The following GPD1L variants were observed in gnomAD, a reference collection of about 807,000 sequenced individuals.
GPD1L encodes glycerol-3-phosphate dehydrogenase 1-like protein.
GPD1L carries 17 observed loss-of-function variants against 32.9 expected under a neutral mutation model. The observed-to-expected ratio is 0.52, with a 90% CI of 0.35 to 0.78. GPD1L has a LOEUF of 0.78. Ranked by LOEUF, GPD1L falls within the 30% of genes least tolerant of loss-of-function variation. The probability of loss-of-function intolerance (pLI) is 0.01; values close to 1 mark genes in which losing one functional copy is unlikely to be tolerated. For synonymous variants in GPD1L, 187 were observed against 165.9 expected (o/e 1.13, Z -0.98); for missense variants, 361 against 447.8 (o/e 0.81, Z 1.75).
chr3:32,121,835 A>G (rs995339769), intron 1 of GPD1L, among the ~76,000 whole-genome samples: 15 of 148,786 alleles, frequency 1.0e-4, no homozygotes, highest in African/African-American at 2.0e-4. Flanking sequence ...CAGTGGTGTG[A>G]TTTCAGCTCA....
chr3:32,164,615 GA>G (rs1701119897), intron 7 of GPD1L, among the ~76,000 whole-genome samples: 1 of 152,194 alleles, frequency 6.6e-6, no homozygotes, highest in African/African-American at 2.4e-5. Context: ...GGGTCAGAAG[GA>G]TTGTGAAACT....
intron 2 of GPD1L, among the ~76,000 whole-genome samples, chr3:32,135,951 G>T (rs946498903): frequency 5.9e-5 from 9 of 152,176 alleles, no homozygotes; most frequent in Admixed American, 2.0e-4. Context: ...CCTGCCTTTG[G>T]ATCTGCCACT....
chr3:32,128,100 T>C lies in GPD1L; in HGVS notation c.72T>C (p.Ile24=), dbSNP rs1196843669. 2 of 1,613,022 alleles carry C rather than the reference T, an allele frequency of 1.2e-6. No homozygotes were observed. The highest frequency in any genetic ancestry group is 2.2e-5 in the East Asian group (1 of 44,876). The change falls in exon 2 of 8, where the codon ATT becomes ATC. Residue 24 remains isoleucine, a synonymous_variant. Coordinates refer to ENST00000282541, the MANE Select transcript of GPD1L (RefSeq NM_015141.4). ...GGGGTTCAGCTGTTGCAAAAATAAT[T>C]GGTAATAATGTCAAGAAACTTCAGA... ...GNWGSAVAKI[I]GNNVKKLQKF... is the part of the protein sequence containing the mutation.
intron 5 of GPD1L, 50 bp downstream of exon 5, chr3:32,146,784 A>G: frequency 2.0e-6 from 2 of 1,018,896 alleles, no homozygotes; most frequent in Non-Finnish European, 3.1e-6. Context: ...AAATGTTAGC[A>G]TCATTGAGTC....
At chr3:32,115,995 A>G (rs1700328507) in intron 1 of GPD1L, among the ~76,000 whole-genome samples, 1 of 151,666 alleles carries the variant, frequency 6.6e-6, no homozygotes, top group Non-Finnish European at 1.5e-5. Context: ...TCACCGTGTT[A>G]GCCAGGATGG....
At chr3:32,138,524 C>T in intron 2 of GPD1L, 63 bp from the exon 3 acceptor site, 2 of 1,514,008 alleles carry the variant, frequency 1.3e-6, no homozygotes, top group South Asian at 2.3e-5. Context: ...GTGAGTGAAA[C>T]CTTGTGGACA....
chr3:32,162,683 T>C (rs1224554430), intron 7 of GPD1L, among the ~76,000 whole-genome samples: 1 of 152,142 alleles, frequency 6.6e-6, no homozygotes, highest in Non-Finnish European at 1.5e-5. Flanking sequence ...CCGTGTCACA[T>C]TCTGAGATAC....
intron 1 of GPD1L, among the ~76,000 whole-genome samples, chr3:32,119,126 A>G (rs1700371772): frequency 2.0e-5 from 3 of 152,228 alleles, no homozygotes; most frequent in Admixed American, 2.0e-4. Flanking sequence ...TTTGGGGTAT[A>G]TACCCAGAAA....
At chr3:32,136,190 T>C (rs932699153) in intron 2 of GPD1L, among the ~76,000 whole-genome samples, 2 of 152,216 alleles carry the variant, frequency 1.3e-5, no homozygotes, top group Non-Finnish European at 2.9e-5. Flanking sequence ...TTCATCCACA[T>C]GGTAGCCCCG....
intron 1 of GPD1L, among the ~76,000 whole-genome samples, chr3:32,121,007 C>T (rs1286439287): frequency 1.3e-5 from 2 of 152,044 alleles, no homozygotes; most frequent in Non-Finnish European, 2.9e-5. Context: ...CCAGCTGGGA[C>T]TCAGGGCCGT....
chr3:32,156,064 C>T (rs1700984055), intron 5 of GPD1L, among the ~76,000 whole-genome samples: 1 of 152,158 alleles, frequency 6.6e-6, no homozygotes, highest in Non-Finnish European at 1.5e-5. Flanking sequence ...CATCCTGACT[C>T]GGCAACTCAC....
chr3:32,132,429 G>A (rs775003143), intron 2 of GPD1L, among the ~76,000 whole-genome samples: 1 of 152,046 alleles, frequency 6.6e-6, no homozygotes, highest in African/African-American at 2.4e-5. Flanking sequence ...TTTAGGGCAA[G>A]ACTTAAAAAA....
At chr3:32,158,779 C>A (rs1701032654) in intron 5 of GPD1L, 97 bp from the exon 6 acceptor site, 1 of 1,549,240 alleles carries the variant, frequency 6.5e-7, no homozygotes, top group Non-Finnish European at 8.7e-7. Flanking sequence ...GCCAATGTCC[C>A]TGGTCTGCCC....
intron 2 of GPD1L, 114 bp downstream of exon 2, chr3:32,128,367 A>G (rs1700542988): frequency 1.2e-6 from 1 of 867,356 alleles, no homozygotes; most frequent in Admixed American, 1.8e-5. Flanking sequence ...GTTCCTTTCC[A>G]CTACCAATTG....
Position 32,168,041 on chromosome 3 carries a change from G to A in GPD1L, c.*2131G>A, listed in dbSNP as rs372656948. The A allele has an allele frequency of 4.6e-5, 7 of 152,290 alleles. No homozygotes were observed. Among genetic ancestry groups the A allele is most frequent in the African/African-American group, 1.7e-4 (7 of 41,556 alleles). 9.4% of individuals were successfully genotyped at this position (152,290 alleles called of 1,614,324 possible). A position where few individuals can be genotyped will look rare whatever the true frequency, so the allele number is the denominator to read the frequency against. On this transcript the variant is annotated 3_prime_UTR_variant, in exon 8 of 8. Transcript: ENST00000282541. ...TCTAGTAAGTAGCATAATGAGATGT[G>A]AGGAGTTGGAACTTTGCGTGTTTTG...
intron 6 of GPD1L, 88 bp from the exon 7 acceptor site, chr3:32,159,480 A>AC: frequency 1.2e-6 from 1 of 801,756 alleles, no homozygotes. Flanking sequence ...AAAAAAAAAA[A>AC]GAAAAAAAAC....
intron 2 of GPD1L, among the ~76,000 whole-genome samples, chr3:32,133,602 T>C (rs1361992532): frequency 1.3e-5 from 2 of 152,260 alleles, no homozygotes; most frequent in Non-Finnish European, 2.9e-5. Flanking sequence ...TACTTAGAGA[T>C]TTTTTCTTCA....
chr3:32,161,665 G>A (rs1701075238), intron 7 of GPD1L, among the ~76,000 whole-genome samples: 1 of 152,206 alleles, frequency 6.6e-6, no homozygotes, highest in South Asian at 2.1e-4. Context: ...ACATGGACTA[G>A]AATTGCGATT....
In GPD1L at chr3:32,158,828, C is replaced by T. The variant is rs780462232; in HGVS notation, c.619-48C>T. On this transcript the variant is annotated intron_variant, in intron 5 of 7. Coordinates refer to ENST00000282541, the MANE Select transcript of GPD1L (RefSeq NM_015141.4). ...CCCCACCACCTCTGGCATCCATACC[C>T]GTGGTGGGTGCTGTAACGGCATCTG... 7.5e-6 allele frequency: 12 copies of T among 1,593,486 alleles called. No individual in the cohort carries two copies. In the Admixed American group the frequency reaches 1.1e-4, roughly 14 times the overall value.
Sources: gnomAD v4.1 joint callset for allele counts (sites outside exome capture counted in the v4.1 genomes callset) on GRCh38, gnomAD v4.1.1 for gene constraint, MANE v1.5 for transcripts, NCBI Gene and HGNC (gene_info 2026-07-23, HGNC 2026-07-21) for gene names.